Variants in FHL2 observed in about 807,000 individuals in gnomAD.
FHL2 encodes four and a half LIM domains 2.
A neutral mutation model predicts 32.7 loss-of-function variants in FHL2; 20 were observed. The observed-to-expected ratio is 0.61, with a 90% CI of 0.43 to 0.89. The LOEUF (loss-of-function observed/expected upper bound fraction) is 0.89. Ranked by LOEUF, FHL2 falls within the 40% of genes least tolerant of loss-of-function variation. The pLI, the probability that FHL2 is intolerant of heterozygous loss-of-function variation, is 0.00. For missense variants in FHL2, 311 were observed against 358.6 expected (o/e 0.87, Z 1.07); for synonymous variants, 123 against 128.1 (o/e 0.96, Z 0.27).
chr2:105,370,210 C>CCG (rs1448002018), intron 4 of FHL2, among the ~76,000 whole-genome samples: 4 of 151,642 alleles, frequency 2.6e-5, no homozygotes, highest in East Asian at 3.9e-4. Context: ...CTGTCTCTAC[C>CCG]CCCCCAAAAA....
intron 6 of FHL2, among the ~76,000 whole-genome samples, chr2:105,362,394 G>A (rs762900749): frequency 1.3e-5 from 2 of 152,200 alleles, no homozygotes; most frequent in Non-Finnish European, 2.9e-5. Context: ...GCTGAGTTAG[G>A]TGAACTTGGT....
chr2:105,402,100 TATATACAC>T (rs1683488239), upstream of FHL2, among the ~76,000 whole-genome samples: 2 of 149,028 alleles, frequency 1.3e-5, no homozygotes, highest in African/African-American at 4.9e-5. Flanking sequence ...TATACGTGTA[TATATACAC>T]GTATATATAC....
At chr2:105,395,089 A>T (rs2104619830) in intron 2 of FHL2, among the ~76,000 whole-genome samples, 1 of 152,362 alleles carries the variant, frequency 6.6e-6, no homozygotes, top group Middle Eastern at 3.4e-3. Context: ...GTGCTACGTG[A>T]GGCACTGGGA....
upstream of FHL2, among the ~76,000 whole-genome samples, chr2:105,402,468 G>A (rs185455644): frequency 2.5e-3 from 384 of 152,184 alleles, no homozygotes; most frequent in African/African-American, 8.9e-3. Context: ...GGATGGTCTT[G>A]ATCTCCTGAT....
At chr2:105,429,350 G>C (rs1684356949) in intron 1 of FHL2, among the ~76,000 whole-genome samples, 1 of 152,238 alleles carries the variant, frequency 6.6e-6, no homozygotes, top group Non-Finnish European at 1.5e-5. Flanking sequence ...CTTTGCAGAT[G>C]TGATTAAGTT....
chr2:105,407,067 C>T (rs899736909), intron 1 of FHL2, among the ~76,000 whole-genome samples: 11 of 152,190 alleles, frequency 7.2e-5, no homozygotes, highest in African/African-American at 2.7e-4. Flanking sequence ...GCAGCTTGAT[C>T]AGTATTACTG....
chr2:105,427,448 T>C (rs1684300548), intron 1 of FHL2, among the ~76,000 whole-genome samples: 1 of 152,186 alleles, frequency 6.6e-6, no homozygotes, highest in African/African-American at 2.4e-5. Flanking sequence ...AGAGAGTGTC[T>C]TGTGAACATG....
At chr2:105,402,094 C>CATATATATACAT (rs1389026925), upstream of FHL2, among the ~76,000 whole-genome samples, 2 of 117,634 alleles carry the variant, frequency 1.7e-5, no homozygotes, top group African/African-American at 4.0e-5. Flanking sequence ...TGTATATATA[C>CATATATATACAT]GTGTATATAT....
At chr2:105,420,165 A>G (rs1255399973) in intron 1 of FHL2, among the ~76,000 whole-genome samples, 3 of 152,204 alleles carry the variant, frequency 2.0e-5, no homozygotes, top group African/African-American at 7.2e-5. Context: ...GAAGTCCAAG[A>G]TCAAGGTGTC....
intron 2 of FHL2, among the ~76,000 whole-genome samples, chr2:105,386,782 G>T (rs1414944385): frequency 0.018 from 233 of 13,210 alleles, no homozygotes; most frequent in Non-Finnish European, 0.031. Context: ...TTTTTTTTTT[G>T]GAGACAGAGT....
intron 1 of FHL2, among the ~76,000 whole-genome samples, chr2:105,433,176 CTTCTTCT>C (rs1378857107): frequency 1.3e-4 from 19 of 150,224 alleles, no homozygotes; most frequent in East Asian, 1.2e-3. Flanking sequence ...CATTCTTCTT[CTTCTTCT>C]TTTTTTTTTT....
At chr2:105,414,642 T>C in intron 1 of FHL2, among the ~76,000 whole-genome samples, 1 of 152,228 alleles carries the variant, frequency 6.6e-6, no homozygotes, top group East Asian at 1.9e-4. Context: ...AACCTCTGTC[T>C]CCTGAGTTCA....
intron 1 of FHL2, among the ~76,000 whole-genome samples, chr2:105,426,533 C>T (rs1167686015): frequency 1.3e-5 from 2 of 152,206 alleles, no homozygotes; most frequent in Admixed American, 1.3e-4. Flanking sequence ...GGTCACCCTC[C>T]TCCCTTCCCT....
chr2:105,415,643 T>G lies in FHL2; in HGVS notation c.-25+22756A>C, dbSNP rs1683910766. On this transcript the variant is annotated intron_variant, in intron 1 of 5. Transcript: ENST00000393352. Reference sequence around the variant, plus strand: ...ACAGTTTGCAAGAACGAAAACCGTGTCTGAAAATCACATTAAAATGTGTTG... The same window carrying G: ...ACAGTTTGCAAGAACGAAAACCGTGGCTGAAAATCACATTAAAATGTGTTG... Among the ~76,000 whole-genome samples the G allele has an allele frequency of 2.0e-5, 3 of 152,322 alleles. No homozygotes were observed. In the South Asian group the frequency reaches 6.2e-4, roughly 32 times the overall value.
At chr2:105,406,082 GA>G (rs775598148) in intron 1 of FHL2, among the ~76,000 whole-genome samples, 15 of 152,180 alleles carry the variant, frequency 9.9e-5, no homozygotes, top group Non-Finnish European at 1.6e-4. Flanking sequence ...ACCTATTTCA[GA>G]AGGTACTTTA....
At chr2:105,429,442 T>C (rs755534101) in intron 1 of FHL2, among the ~76,000 whole-genome samples, 1 of 152,106 alleles carries the variant, frequency 6.6e-6, no homozygotes, top group Non-Finnish European at 1.5e-5. Context: ...ATATGAAAGA[T>C]GGAGACAGGA....
At chr2:105,368,576 C>A (rs1680801121) in intron 4 of FHL2, among the ~76,000 whole-genome samples, 1 of 152,146 alleles carries the variant, frequency 6.6e-6, no homozygotes, top group Non-Finnish European at 1.5e-5. Context: ...TAACTATTAG[C>A]ATTTGATACA....
chr2:105,376,157 A>G (rs1681460437), intron 3 of FHL2: 1 of 152,192 alleles, frequency 6.6e-6, no homozygotes, highest in African/African-American at 2.4e-5. Flanking sequence ...CCTGCAAGGT[A>G]AATGTTATTA....
At chr2:105,361,906 A>T (rs1382687754) in intron 6 of FHL2, among the ~76,000 whole-genome samples, 1 of 152,122 alleles carries the variant, frequency 6.6e-6, no homozygotes, top group African/African-American at 2.4e-5. Context: ...GTGGGTGGGA[A>T]TGAGGGGAGA....
Sources: allele counts gnomAD v4.1 joint callset (sites outside exome capture counted in the v4.1 genomes callset), GRCh38; gene constraint gnomAD v4.1.1; transcripts MANE v1.5; gene names NCBI Gene and HGNC (gene_info 2026-07-23, HGNC 2026-07-21).